RCAN1: variants seen among roughly 807,000 people sequenced by gnomAD.
The protein encoded by RCAN1 is calcipressin-1.
In RCAN1, 11 loss-of-function variants were observed where a neutral mutation model predicts 22.9. The observed-to-expected ratio is 0.48, with a 90% confidence interval of 0.30 to 0.79. The LOEUF (loss-of-function observed/expected upper bound fraction) is 0.79. Among genes scored for constraint, RCAN1 ranks in the 30% least tolerant of loss-of-function variants. The pLI, the probability that RCAN1 is intolerant of heterozygous loss-of-function variation, is 0.06. For missense variants in RCAN1, 291 were observed against 337.8 expected, an observed-to-expected ratio of 0.86 and a Z score of 1.09; for synonymous variants, 136 against 142.3, an observed-to-expected ratio of 0.96 and a Z score of 0.32.
intron 1 of RCAN1, chr21:34,559,455 TG>T (rs991480335): frequency 2.7e-4 from 41 of 152,336 alleles, no homozygotes; most frequent in African/African-American, 8.9e-4. Flanking sequence ...AGAACTCATT[TG>T]TAAGGTATAC....
intron 2 of RCAN1, 178 bp from the exon 3 acceptor site, chr21:34,521,836 C>A (rs899804730): frequency 1.2e-4 from 73 of 589,828 alleles, no homozygotes; most frequent in Middle Eastern, 4.4e-4. Flanking sequence ...GACATATGAA[C>A]TCTGGTTGTG....
intron 1 of RCAN1, among the ~76,000 whole-genome samples, chr21:34,530,374 A>G (rs2123600596): frequency 6.6e-6 from 1 of 152,226 alleles, no homozygotes; most frequent in East Asian, 1.9e-4. Context: ...CCATTACAGC[A>G]TTCTGAAAGC....
At chr21:34,567,575 G>GGAAA (rs1987074869) in intron 1 of RCAN1, among the ~76,000 whole-genome samples, 1 of 147,896 alleles carries the variant, frequency 6.8e-6, no homozygotes. Context: ...AAAAAAGAAA[G>GGAAA]AAACTCCTGA....
intron 1 of RCAN1, among the ~76,000 whole-genome samples, chr21:34,527,149 A>T (rs971706929): frequency 6.6e-6 from 1 of 152,184 alleles, no homozygotes; most frequent in Non-Finnish European, 1.5e-5. Context: ...CTCAGACAAC[A>T]CGCTCCTCGG....
rs76620761 is a variant in RCAN1, at chr21:34,610,425, G to A, written c.252+4335C>T. Among the ~76,000 whole-genome samples, 1,224 of 152,238 alleles carry A rather than the reference G, an allele frequency of 8.0e-3. 20 individuals are homozygous for A. Among genetic ancestry groups the A allele is most frequent in the African/African-American group, 0.028 (1,172 of 41,530 alleles). ...CTGGTCTGTGGGCACCAGTGACCCC[G>A]CCTGTAGGCCACAGGGTCAAACAAC... On this transcript the variant is annotated intron_variant, in intron 1 of 3. Transcript: ENST00000313806.
rs2123556283 is a variant in RCAN1 at position 34,517,853 on chromosome 21, C to T, written c.*231G>A. Reference sequence around the variant, plus strand: ...AGTCCCAAATGTCCTTGTGCGATCACCACAAACTCAGTGATTGGCCCAAGT... The same window carrying T: ...AGTCCCAAATGTCCTTGTGCGATCATCACAAACTCAGTGATTGGCCCAAGT... On this transcript the variant is annotated 3_prime_UTR_variant, in exon 4 of 4. Transcript: ENST00000313806. 1 of 579,838 alleles carries T rather than the reference C, an allele frequency of 1.7e-6. No individual in the cohort carries two copies. The highest frequency in any genetic ancestry group is 2.9e-5 in the East Asian group (1 of 34,672). 35.9% of individuals were successfully genotyped at this position (579,838 alleles called of 1,614,324 possible).
intron 1 of RCAN1, among the ~76,000 whole-genome samples, chr21:34,543,517 T>A (rs1986007267): frequency 6.6e-6 from 1 of 152,282 alleles, no homozygotes; most frequent in East Asian, 1.9e-4. Context: ...TGGAGTTTGA[T>A]CTCCAGAACT....
rs138728678 is a variant in RCAN1, at chr21:34,580,721, C to G, written c.252+34039G>C. 4.5e-3 allele frequency among the ~76,000 whole-genome samples: 686 copies of G among 152,252 alleles called. 6 individuals are homozygous for G. Among genetic ancestry groups the G allele is most frequent in the African/African-American group, 0.016 (649 of 41,546 alleles). On this transcript the variant is annotated intron_variant, in intron 1 of 3. Coordinates refer to ENST00000313806, the MANE Select transcript of RCAN1 (RefSeq NM_004414.7). ...GTTCCTCACCTTTGTGCATGGCTCA[C>G]CATGATCTCCGCCCCACTCTATAGA...
At chr21:34,546,989 T>C (rs1986169920) in intron 1 of RCAN1, among the ~76,000 whole-genome samples, 1 of 152,092 alleles carries the variant, frequency 6.6e-6, no homozygotes, top group Admixed American at 6.5e-5. Flanking sequence ...CGTGAATAAA[T>C]CTCTCCCCAA....
chr21:34,549,848 C>G (rs946482743), intron 1 of RCAN1, among the ~76,000 whole-genome samples: 1 of 152,158 alleles, frequency 6.6e-6, no homozygotes, highest in African/African-American at 2.4e-5. Flanking sequence ...CAGGCACTGA[C>G]CATGCCAGCT....
Position 34,521,479 on chromosome 21 carries a change from C to T in RCAN1, c.586+20G>A. ...GCTGTGTCTCCCCCTGCCTCCCTCC[C>T]ACCCGAGGGCCCTGCTCACCTGGCC... is the stretch of plus-strand genomic sequence containing the variant. On this transcript the variant is annotated intron_variant, in intron 3 of 3. Coordinates refer to ENST00000313806, the MANE Select transcript of RCAN1 (RefSeq NM_004414.7). 6.2e-7 allele frequency: 1 copy of T among 1,614,104 alleles called. No homozygotes were observed. The highest frequency in any genetic ancestry group is 1.1e-5 in the South Asian group (1 of 91,086).
At chr21:34,532,587 T>G (rs111703597) in intron 1 of RCAN1, among the ~76,000 whole-genome samples, 347 of 152,334 alleles carry the variant, frequency 2.3e-3, no homozygotes, top group African/African-American at 8.0e-3. Context: ...AGAAACAAAC[T>G]GATGTCTTTC....
At chr21:34,585,571 G>A (rs1165144864) in intron 1 of RCAN1, among the ~76,000 whole-genome samples, 1 of 151,812 alleles carries the variant, frequency 6.6e-6, no homozygotes, top group Non-Finnish European at 1.5e-5. Context: ...GTGAAATCCC[G>A]TCTCCACTAA....
chr21:34,544,023 A>G (rs1315042815), intron 1 of RCAN1, among the ~76,000 whole-genome samples: 1 of 152,276 alleles, frequency 6.6e-6, no homozygotes, highest in Non-Finnish European at 1.5e-5. Context: ...TTTGGGAACA[A>G]TCTAAGTCAA....
chr21:34,598,202 G>T (rs1225145339), intron 1 of RCAN1, among the ~76,000 whole-genome samples: 1 of 152,182 alleles, frequency 6.6e-6, no homozygotes, highest in Non-Finnish European at 1.5e-5. Flanking sequence ...CAGTTTGAAA[G>T]TAACAGTATA....
chr21:34,603,907 G>A (rs1988442303), intron 1 of RCAN1, among the ~76,000 whole-genome samples: 1 of 152,216 alleles, frequency 6.6e-6, no homozygotes, highest in Admixed American at 6.5e-5. Flanking sequence ...AAGCTTCAGA[G>A]TGGGAGAGGG....
chr21:34,591,249 G>T (rs1359003690), intron 1 of RCAN1, among the ~76,000 whole-genome samples: 3 of 152,200 alleles, frequency 2.0e-5, no homozygotes, highest in African/African-American at 7.2e-5. Flanking sequence ...GATAGGAAAA[G>T]ATGGACAATC....
chr21:34,518,180 C>T lies in RCAN1; in HGVS notation c.663G>A (p.Glu221=), dbSNP rs755070716. The T allele has an allele frequency of 2.5e-5, 41 of 1,614,076 alleles. No homozygotes were observed. Among genetic ancestry groups the T allele is most frequent in the Non-Finnish European group, 3.3e-5 (39 of 1,180,050 alleles). The part of the protein sequence containing the change: ...VVVHVCESDQ[E]KEEEEEMERM... ...TTTCCATTTCCTCTTCTTCCTCCTT[C>T]TCTTGATCACTCTCACATACATGGA... Residue 221 remains glutamate, a synonymous_variant, in exon 4 of 4, where the codon GAG becomes GAA. Transcript: ENST00000313806. The surrounding 1 kb of genome is among the most constrained non-coding windows in gnomAD (Gnocchi z 4.2).
At chr21:34,602,595 T>C (rs1422923183) in intron 1 of RCAN1, among the ~76,000 whole-genome samples, 2 of 152,142 alleles carry the variant, frequency 1.3e-5, no homozygotes, top group African/African-American at 4.8e-5. Flanking sequence ...ATCTACAGGT[T>C]GGGATGCATG....
Sources: gnomAD v4.1 joint callset for allele counts (sites outside exome capture counted in the v4.1 genomes callset) on GRCh38, gnomAD v4.1.1 for gene constraint, Gnocchi (gnomAD v3.1) non-coding constraint, MANE v1.5 for transcripts, NCBI Gene and HGNC (gene_info 2026-07-23, HGNC 2026-07-21) for gene names.